The following CA2 variants were observed in gnomAD, a reference collection of about 807,000 sequenced individuals.
CA2 encodes carbonate dehydratase II.
In CA2, 23 loss-of-function variants were observed where a neutral mutation model predicts 27.8. That is an observed-to-expected ratio of 0.83 (90% CI 0.59 to 1.17). The LOEUF is 1.17. Among genes scored for constraint, CA2 ranks in the 50% most tolerant of loss-of-function variants. CA2 has a pLI of 0.00. For missense variants in CA2, 300 were observed against 314.7 expected (o/e 0.95, Z 0.35); for synonymous variants, 99 against 114.9 (o/e 0.86, Z 0.88).
rs1026327786 is a variant in CA2, at chr8:85,477,149, T to G, written c.537T>G (p.Asp179Glu). The stretch of plus-strand genomic sequence containing the variant: ...AGAGTGCTGACTTCACTAACTTCGA[T>G]CCTCGTGGCCTCCTTCCTGAATCCT... ...KGKSADFTNFDPRGLLPESLD... is the reference protein window; with the variant it reads ...KGKSADFTNFEPRGLLPESLD... Residue 179 changes from aspartate to glutamate, a missense_variant, in exon 6 of 7, where the codon GAT becomes GAG. Asp to Glu is a conservative substitution (Grantham distance 45). This residue lies in a region of CA2 where 173 missense variants were observed against 161.0 expected (regional missense o/e 1.07). Coordinates refer to ENST00000285379, the MANE Select transcript of CA2 (RefSeq NM_000067.3). 35 of 1,613,996 alleles carry G rather than the reference T, an allele frequency of 2.2e-5. No individual in the cohort carries two copies. The highest frequency in any genetic ancestry group is 3.0e-5 in the Non-Finnish European group (35 of 1,179,990).
chr8:85,464,147 C>T, intron 1 of CA2, 32 bp downstream of exon 1: 1 of 1,234,850 alleles, frequency 8.1e-7, no homozygotes, highest in South Asian at 1.4e-5. Flanking sequence ...CGCGGGGGCG[C>T]CCCGATCCCC....
In CA2 at chr8:85,465,454, T is replaced by C. The variant is rs1437929609; in HGVS notation, c.217T>C (p.Ser73Pro). 6.2e-7 allele frequency: 1 copy of C among 1,614,004 alleles called. No individual in the cohort carries two copies. Among genetic ancestry groups the C allele is most frequent in the South Asian group, 1.1e-5 (1 of 91,048 alleles). Residue 73 changes from serine to proline, a missense_variant, in exon 2 of 7, where the codon TCT (serine) becomes CCT (proline). By Grantham distance (74) the Ser-to-Pro change is moderately conservative. Around this residue, in one of 3 missense-constraint regions of CA2, gnomAD observed 122 missense variants for 133.2 expected, o/e 0.92. Transcript: ENST00000285379. ...GHAFNVEFDD[S>P]QDKAVLKGGP... The stretch of plus-strand genomic sequence containing the variant: ...TGCTTTCAACGTGGAGTTTGATGAC[T>C]CTCAGGACAAAGCAGGTCAGTGTTT...
chr8:85,472,574 T>C (rs1811726664), intron 2 of CA2, among the ~76,000 whole-genome samples: 1 of 152,192 alleles, frequency 6.6e-6, no homozygotes, highest in Admixed American at 6.5e-5. Context: ...AGTTAGAATT[T>C]TAAGTTCTTG....
At chr8:85,473,619 G>T in intron 2 of CA2, 74 bp from the exon 3 acceptor site, 1 of 751,514 alleles carries the variant, frequency 1.3e-6, no homozygotes. Flanking sequence ...GTATGTATGT[G>T]TGTATACCTA....
chr8:85,475,412 G>C (rs1368099750), intron 4 of CA2, among the ~76,000 whole-genome samples: 1 of 145,394 alleles, frequency 6.9e-6, no homozygotes, highest in Admixed American at 7.0e-5. Context: ...AGTCAAGAGA[G>C]ATTTGGGTTG....
rs939838750 is a variant in CA2 at position 85,480,657 on chromosome 8, T to C, written c.664-13T>C. The C allele has an allele frequency of 6.2e-7, 1 of 1,609,526 alleles. No individual in the cohort carries two copies. On this transcript the variant is annotated splice_polypyrimidine_tract_variant and intron_variant, in intron 6 of 6. Transcript: ENST00000285379. ...TGAAACATTAATTATCAATGTTTTA[T>C]TGTGTCTTTTAGGTGTTGAAATTCC... is the stretch of plus-strand genomic sequence containing the variant.
Position 85,464,174 on chromosome 8 carries a change from TCCCCGAG to T in CA2, c.34+63_34+69del, listed in dbSNP as rs1811580785. On this transcript the variant is annotated intron_variant, in intron 1 of 6. Transcript: ENST00000285379. ...CCGATCCCCGATCCCCGATCCCCGA[TCCCCGAG>T]CCCGGATGCCGGCCCGGGGCCCGCA... The T allele has an allele frequency of 3.7e-6, 5 of 1,357,938 alleles. No homozygotes were observed. The Admixed American group carries it at 6.5e-5, about 18-fold the overall frequency. The allele number at this position is 1,357,938 out of a possible 1,614,324, so 84.1% of individuals were successfully genotyped here.
chr8:85,475,724 C>T, intron 4 of CA2, 74 bp from the exon 5 acceptor site: 2 of 1,330,114 alleles, frequency 1.5e-6, no homozygotes, highest in Admixed American at 1.7e-5. Flanking sequence ...TCTAATAGAG[C>T]TACCCAAATA....
intron 5 of CA2, among the ~76,000 whole-genome samples, chr8:85,476,853 G>A (rs985020544): frequency 6.6e-6 from 1 of 151,146 alleles, no homozygotes; most frequent in African/African-American, 2.4e-5. Context: ...GAATGTAAGG[G>A]ATCATTTTAG....
At chr8:85,476,514 G>A (rs1811801215) in intron 5 of CA2, among the ~76,000 whole-genome samples, 1 of 152,118 alleles carries the variant, frequency 6.6e-6, no homozygotes, top group Non-Finnish European at 1.5e-5. Context: ...GAATAAACCT[G>A]ATCTCTCTTC....
At chr8:85,467,082 A>G (rs1386769557) in intron 2 of CA2, among the ~76,000 whole-genome samples, 1 of 152,210 alleles carries the variant, frequency 6.6e-6, no homozygotes, top group African/African-American at 2.4e-5. Context: ...ATCTCATTGG[A>G]TGCTACATAG....
Position 85,464,009 on chromosome 8 carries a change from A to C in CA2, c.-73A>C, listed in dbSNP as rs1811573012. The C allele has an allele frequency of 2.7e-6, 4 of 1,465,084 alleles. No homozygotes were observed. Among genetic ancestry groups the C allele is most frequent in the South Asian group, 1.2e-5 (1 of 82,344 alleles). The allele number at this position is 1,465,084 out of a possible 1,614,324, so 90.8% of individuals were successfully genotyped here. On this transcript the variant is annotated 5_prime_UTR_variant, in exon 1 of 7. Coordinates refer to ENST00000285379, the MANE Select transcript of CA2 (RefSeq NM_000067.3). Reference sequence around the variant, plus strand: ...TGGTGCCGGCGCGACCCGCGGACACACAGTGCAGGCGCCCAAGCCGCCGCC... The same window carrying C: ...TGGTGCCGGCGCGACCCGCGGACACCCAGTGCAGGCGCCCAAGCCGCCGCC...
chr8:85,465,534 A>G (rs1005045476), intron 2 of CA2, 65 bp downstream of exon 2: 37 of 1,282,354 alleles, frequency 2.9e-5, no homozygotes, highest in Non-Finnish European at 3.8e-5. Context: ...TAATGGAAGG[A>G]GCCAGGAACA....
intron 2 of CA2, among the ~76,000 whole-genome samples, chr8:85,468,610 A>G (rs970296344): frequency 6.6e-6 from 1 of 152,124 alleles, no homozygotes; most frequent in Non-Finnish European, 1.5e-5. Context: ...AATGCAAAAA[A>G]TGAGCTAGGT....
intron 2 of CA2, among the ~76,000 whole-genome samples, chr8:85,469,337 C>T (rs1811680832): frequency 6.6e-6 from 1 of 152,118 alleles, no homozygotes; most frequent in African/African-American, 2.4e-5. Context: ...TTTAAATGTT[C>T]TCTTATATCC....
At chr8:85,467,701 T>C (rs986412491) in intron 2 of CA2, among the ~76,000 whole-genome samples, 5 of 152,242 alleles carry the variant, frequency 3.3e-5, no homozygotes, top group Admixed American at 2.6e-4. Context: ...TATAGTTACA[T>C]ATTTTACCAT....
chr8:85,466,654 C>A (rs1811635012), intron 2 of CA2, among the ~76,000 whole-genome samples: 1 of 143,368 alleles, frequency 7.0e-6, no homozygotes. Context: ...TGCACCCCTC[C>A]CCAGTACACA....
chr8:85,468,595 C>T (rs1811664241), intron 2 of CA2, among the ~76,000 whole-genome samples: 2 of 152,060 alleles, frequency 1.3e-5, no homozygotes, highest in East Asian at 3.9e-4. Flanking sequence ...ACTGTCTGTA[C>T]TAAAAATGCA....
Position 85,473,811 on chromosome 8 carries a change from A to G in CA2, c.351A>G (p.Glu117=), listed in dbSNP as rs765149023. The G allele has an allele frequency of 3.2e-5, 47 of 1,464,114 alleles. No homozygotes were observed. Among genetic ancestry groups the G allele is most frequent in the Non-Finnish European group, 4.4e-5 (46 of 1,043,100 alleles). The allele number at this position is 1,464,114 out of a possible 1,614,324, so 90.7% of individuals were successfully genotyped here. A position where few individuals can be genotyped will look rare whatever the true frequency, so the allele number is the denominator to read the frequency against. The change falls in exon 3 of 7, where the codon GAA becomes GAG. Residue 117 remains glutamate (E), a splice_region_variant and synonymous_variant. Transcript: ENST00000285379. ...TGGATAAAAAGAAATATGCTGCAGA[A>G]GTAAGATATACTTTTTTTTTTCTTT... is the stretch of plus-strand genomic sequence containing the variant. The part of the protein sequence containing the change: ...HTVDKKKYAA[E]LHLVHWNTKY...
Sources: allele counts gnomAD v4.1 joint callset (sites outside exome capture counted in the v4.1 genomes callset), GRCh38; gene constraint gnomAD v4.1.1; regional missense constraint gnomAD v4.1.1; transcripts MANE v1.5; gene names NCBI Gene and HGNC (gene_info 2026-07-23, HGNC 2026-07-21).